The following ATP6V1H variants were observed in gnomAD, a reference collection of about 807,000 sequenced individuals.
ATP6V1H encodes ATPase H+ transporting V1 subunit H, also known as V-type proton ATPase subunit H.
A neutral mutation model predicts 71.7 loss-of-function variants in ATP6V1H; 39 were observed. The ratio of observed to expected loss-of-function variants is 0.54; its 90% CI spans 0.42 to 0.71. The LOEUF is 0.71. ATP6V1H is among the 30% of genes least tolerant of loss of function. The pLI, the probability that ATP6V1H is intolerant of heterozygous loss-of-function variation, is 0.00. For synonymous variants in ATP6V1H, 192 were observed against 199.3 expected, an observed-to-expected ratio of 0.96 and a Z score of 0.31; for missense variants, 509 against 594.9, an observed-to-expected ratio of 0.86 and a Z score of 1.50.
chr8:53,818,992 G>C (rs2130486228), intron 4 of ATP6V1H, among the ~76,000 whole-genome samples: 1 of 152,158 alleles, frequency 6.6e-6, no homozygotes, highest in Admixed American at 6.5e-5. Flanking sequence ...GGCTGCTTGA[G>C]CCCAGGAGTT....
intron 11 of ATP6V1H, 85 bp downstream of exon 11, chr8:53,769,533 C>T: frequency 3.0e-6 from 4 of 1,343,404 alleles, no homozygotes; most frequent in Non-Finnish European, 4.0e-6. Flanking sequence ...CATAGAATAT[C>T]TAAAATTTAG....
intron 4 of ATP6V1H, among the ~76,000 whole-genome samples, chr8:53,826,119 G>C (rs919125564): frequency 6.6e-6 from 1 of 152,036 alleles, no homozygotes; most frequent in Non-Finnish European, 1.5e-5. Context: ...GTTCAACCTC[G>C]GACACCATTC....
chr8:53,811,891 T>A (rs1290982987), intron 6 of ATP6V1H, among the ~76,000 whole-genome samples: 1 of 152,140 alleles, frequency 6.6e-6, no homozygotes, highest in Non-Finnish European at 1.5e-5. Flanking sequence ...AAGGCCACTA[T>A]AAGGTCAAAG....
intron 12 of ATP6V1H, among the ~76,000 whole-genome samples, chr8:53,751,412 A>G (rs746187707): frequency 1.3e-5 from 2 of 152,224 alleles, no homozygotes; most frequent in East Asian, 1.9e-4. Flanking sequence ...TGATGTGCCT[A>G]TTCACCATGC....
intron 13 of ATP6V1H, among the ~76,000 whole-genome samples, chr8:53,722,582 A>G (rs1008976310): frequency 6.6e-6 from 1 of 152,072 alleles, no homozygotes; most frequent in Non-Finnish European, 1.5e-5. Flanking sequence ...AAAGACTGAG[A>G]GCGTATGACA....
intron 11 of ATP6V1H, among the ~76,000 whole-genome samples, chr8:53,759,130 T>C (rs1563452877): frequency 1.3e-5 from 2 of 152,232 alleles, no homozygotes; most frequent in Admixed American, 6.5e-5. Flanking sequence ...TCCATTAACA[T>C]TTGAGAAGCA....
intron 12 of ATP6V1H, among the ~76,000 whole-genome samples, chr8:53,744,622 G>A (rs1179269968): frequency 6.6e-6 from 1 of 152,176 alleles, no homozygotes; most frequent in African/African-American, 2.4e-5. Flanking sequence ...GGGTCAGGAA[G>A]AAATAAGTAG....
At chr8:53,750,723 T>C (rs1197604458) in intron 12 of ATP6V1H, among the ~76,000 whole-genome samples, 2 of 151,880 alleles carry the variant, frequency 1.3e-5, no homozygotes, top group African/African-American at 2.4e-5. Context: ...ACTTCATTCC[T>C]GAGAAACTTG....
rs972754495 is a variant in ATP6V1H at position 53,824,801 on chromosome 8, ATC to A, written c.306+4641_306+4642del. The stretch of plus-strand genomic sequence containing the variant: ...TAAGAATTGAAAAAGAAGTAAAATT[ATC>A]TGTTTTTGCAAAAATAGAAAATTAT... On this transcript the variant is annotated intron_variant, in intron 4 of 13. Coordinates refer to ENST00000359530, the MANE Select transcript of ATP6V1H (RefSeq NM_015941.4). 1.8e-4 allele frequency among the ~76,000 whole-genome samples: 28 copies of A among 152,132 alleles called. No homozygotes were observed. In the South Asian group the frequency reaches 2.5e-3, roughly 14 times the overall value.
At chr8:53,725,513 C>A (rs912144992) in intron 13 of ATP6V1H, among the ~76,000 whole-genome samples, 1 of 149,700 alleles carries the variant, frequency 6.7e-6, no homozygotes, top group African/African-American at 2.5e-5. Flanking sequence ...ACGCAGCAGT[C>A]TTGACTCAAT....
At chr8:53,832,543 TAAA>T (rs1811041153) in intron 3 of ATP6V1H, 1 of 151,992 alleles carries the variant, frequency 6.6e-6, no homozygotes, top group Admixed American at 6.6e-5. Flanking sequence ...TATATTAAAA[TAAA>T]AAGAATGCCA....
intron 9 of ATP6V1H, among the ~76,000 whole-genome samples, chr8:53,776,379 T>A (rs550574700): frequency 1.2e-4 from 19 of 152,194 alleles, no homozygotes; most frequent in Admixed American, 1.0e-3. Context: ...GCTCCTCAAG[T>A]GCCGCCAAAG....
intron 8 of ATP6V1H, among the ~76,000 whole-genome samples, chr8:53,798,243 C>T (rs1312783978): frequency 6.6e-6 from 1 of 152,070 alleles, no homozygotes; most frequent in Non-Finnish European, 1.5e-5. Context: ...CCTCAGTTAT[C>T]GGCCAGGCAA....
At chr8:53,824,064 GA>G (rs967197298) in intron 4 of ATP6V1H, among the ~76,000 whole-genome samples, 7 of 150,492 alleles carry the variant, frequency 4.7e-5, no homozygotes, top group East Asian at 1.9e-4. Flanking sequence ...TGCAAATAGA[GA>G]AAAAAATTTG....
intron 11 of ATP6V1H, among the ~76,000 whole-genome samples, chr8:53,762,065 T>C (rs1808290111): frequency 6.6e-6 from 1 of 152,182 alleles, no homozygotes; most frequent in Non-Finnish European, 1.5e-5. Flanking sequence ...ATGACAACCA[T>C]TAGCCACATG....
chr8:53,752,552 C>CT (rs914464993), intron 12 of ATP6V1H, among the ~76,000 whole-genome samples: 1 of 151,994 alleles, frequency 6.6e-6, no homozygotes, highest in Middle Eastern at 3.2e-3. Flanking sequence ...TAGATACTTT[C>CT]TTTTTTTTCT....
At chr8:53,785,791 G>A (rs927575159) in intron 9 of ATP6V1H, among the ~76,000 whole-genome samples, 7 of 152,130 alleles carry the variant, frequency 4.6e-5, no homozygotes, top group Non-Finnish European at 7.4e-5. Flanking sequence ...GTTGGAGTTC[G>A]CTGGAGGTCC....
chr8:53,777,915 A>G (rs1808951551), intron 9 of ATP6V1H, among the ~76,000 whole-genome samples: 1 of 152,250 alleles, frequency 6.6e-6, no homozygotes, highest in Non-Finnish European at 1.5e-5. Flanking sequence ...TAGATATCAT[A>G]TTAATATATA....
intron 13 of ATP6V1H, among the ~76,000 whole-genome samples, chr8:53,741,438 A>C (rs917752835): frequency 1.3e-5 from 2 of 152,254 alleles, no homozygotes; most frequent in African/African-American, 4.8e-5. Context: ...AATAGCCCTA[A>C]TTTCAACACA....
Sources: gnomAD v4.1 joint callset for allele counts (sites outside exome capture counted in the v4.1 genomes callset) on GRCh38, gnomAD v4.1.1 for gene constraint, MANE v1.5 for transcripts, NCBI Gene and HGNC (gene_info 2026-07-23, HGNC 2026-07-21) for gene names.